The following NXPH2 variants were observed in gnomAD, a reference collection of about 807,000 sequenced individuals.
NXPH2 encodes the protein neurexophilin-2.
A neutral mutation model predicts 19.8 loss-of-function variants in NXPH2; 5 were observed. The ratio of observed to expected loss-of-function variants is 0.25; its 90% CI spans 0.13 to 0.53. The LOEUF (loss-of-function observed/expected upper bound fraction) is 0.53, where lower values mean the gene tolerates loss of function less well. NXPH2 is among the 20% of genes least tolerant of loss of function. The pLI is 0.96. For missense variants in NXPH2, 289 were observed against 322.8 expected, an observed-to-expected ratio of 0.90 and a Z score of 0.80; for synonymous variants, 154 against 127.4, an observed-to-expected ratio of 1.21 and a Z score of -1.41.
intron 1 of NXPH2, among the ~76,000 whole-genome samples, chr2:138,710,656 G>T (rs978528615): frequency 2.6e-5 from 4 of 152,078 alleles, no homozygotes; most frequent in Non-Finnish European, 5.9e-5. Flanking sequence ...GACTCTATGA[G>T]ATAAATTTTA....
intron 1 of NXPH2, among the ~76,000 whole-genome samples, chr2:138,697,416 T>G (rs1680844905): frequency 6.6e-6 from 1 of 152,128 alleles, no homozygotes; most frequent in African/African-American, 2.4e-5. Context: ...ATAGCATTAT[T>G]CACAATGGTA....
intron 1 of NXPH2, among the ~76,000 whole-genome samples, chr2:138,759,841 T>C (rs1681980644): frequency 6.6e-6 from 1 of 150,930 alleles, no homozygotes; most frequent in African/African-American, 2.4e-5. Context: ...GCCATTCTCC[T>C]GCCTCAGCCT....
In NXPH2 at chr2:138,739,069, A is replaced by G. The variant is rs777415143; in HGVS notation, c.51+41122T>C. On this transcript the variant is annotated intron_variant, in intron 1 of 1. Coordinates refer to ENST00000272641, the MANE Select transcript of NXPH2 (RefSeq NM_007226.3). ...AGTTAAAATCCACCATGGATGTAGG[A>G]TGGTGAATGAATGTACATATTATTG... is the stretch of plus-strand genomic sequence containing the variant. Among the ~76,000 whole-genome samples the G allele has an allele frequency of 6.6e-5, 10 of 152,222 alleles. 1 individual carries two copies. Among genetic ancestry groups the G allele is most frequent in the Non-Finnish European group, 1.2e-4 (8 of 68,038 alleles).
chr2:138,747,328 G>A (rs1681754615), intron 1 of NXPH2, among the ~76,000 whole-genome samples: 1 of 152,148 alleles, frequency 6.6e-6, no homozygotes, highest in Non-Finnish European at 1.5e-5. Flanking sequence ...CGCATTGCTT[G>A]AGGAGGGGCT....
At chr2:138,710,989 G>C (rs1681096461) in intron 1 of NXPH2, among the ~76,000 whole-genome samples, 1 of 151,970 alleles carries the variant, frequency 6.6e-6, no homozygotes, top group African/African-American at 2.4e-5. Flanking sequence ...CATCTTCCTG[G>C]AGCCGGATCC....
rs138907193 is a variant in NXPH2, at chr2:138,712,807, T to A, written c.52-41142A>T. Among the ~76,000 whole-genome samples, 61 of 152,326 alleles carry A rather than the reference T, an allele frequency of 4.0e-4. No individual in the cohort carries two copies. In the South Asian group the frequency reaches 7.1e-3, roughly 18 times the overall value. ...CTTCATGTGTGAATGGAAAACTCCA[T>A]GAAGACTAGACCAAGGCCTTATACG... is the stretch of plus-strand genomic sequence containing the variant. On this transcript the variant is annotated intron_variant, in intron 1 of 1. Coordinates refer to ENST00000272641, the MANE Select transcript of NXPH2 (RefSeq NM_007226.3).
intron 1 of NXPH2, among the ~76,000 whole-genome samples, chr2:138,706,536 A>G (rs1681014537): frequency 6.6e-6 from 1 of 152,156 alleles, no homozygotes; most frequent in Non-Finnish European, 1.5e-5. Flanking sequence ...TGCCAGTTAT[A>G]GTTGTCATTT....
Position 138,678,361 on chromosome 2 carries a change from C to T in NXPH2, c.52-6696G>A, listed in dbSNP as rs142231753. On this transcript the variant is annotated intron_variant, in intron 1 of 1. Transcript: ENST00000272641. ...GTGCCACTGTAATGTTAATCTGGATCTGGCTGAGGTAGAGCAAATGTATCT... is the reference window on the plus strand; with the variant it reads ...GTGCCACTGTAATGTTAATCTGGATTTGGCTGAGGTAGAGCAAATGTATCT... Among the ~76,000 whole-genome samples the T allele has an allele frequency of 2.6e-5, 4 of 152,300 alleles. No homozygotes were observed. The East Asian group carries it at 7.7e-4, about 29-fold the overall frequency.
intron 1 of NXPH2, among the ~76,000 whole-genome samples, chr2:138,743,549 C>T (rs985090648): frequency 6.6e-6 from 1 of 152,108 alleles, no homozygotes; most frequent in South Asian, 2.1e-4. Flanking sequence ...AGAGTGACTG[C>T]TAATGGGTAT....
intron 1 of NXPH2, among the ~76,000 whole-genome samples, chr2:138,706,618 T>C (rs1681017902): frequency 6.6e-6 from 1 of 152,160 alleles, no homozygotes; most frequent in Non-Finnish European, 1.5e-5. Context: ...TTGTTCTTTA[T>C]ATGAAAATTA....
At chr2:138,733,887 G>A (rs1681494029) in intron 1 of NXPH2, among the ~76,000 whole-genome samples, 1 of 152,136 alleles carries the variant, frequency 6.6e-6, no homozygotes. Flanking sequence ...ACTACATCAG[G>A]AAAAGAAAAG....
chr2:138,671,525 C>A lies in NXPH2; in HGVS notation c.192G>T (p.Pro64=). Residue 64 remains proline, a synonymous_variant, in exon 2 of 2, where the codon CCG becomes CCT. Transcript: ENST00000272641. ...SPLRLFVKQS[P]VPKPGPMAYA... is the part of the protein sequence containing the mutation. ...ACGCCATGGGGCCGGGCTTGGGCAC[C>A]GGAGACTGTTTAACAAACAGGCGCA... The A allele has an allele frequency of 6.2e-7, 1 of 1,613,958 alleles. No homozygotes were observed. Among genetic ancestry groups the A allele is most frequent in the Non-Finnish European group, 8.5e-7 (1 of 1,179,870 alleles).
intron 1 of NXPH2, among the ~76,000 whole-genome samples, chr2:138,754,137 G>A (rs999165326): frequency 6.6e-6 from 1 of 151,930 alleles, no homozygotes; most frequent in South Asian, 2.1e-4. Flanking sequence ...ATACAATTAG[G>A]CTATTTTGTC....
rs1186720456 is a variant in NXPH2, at chr2:138,760,509, G to A, written c.51+19682C>T. Among the ~76,000 whole-genome samples, 4 of 152,306 alleles carry A rather than the reference G, an allele frequency of 2.6e-5. No individual in the cohort carries two copies. In the East Asian group the frequency reaches 7.7e-4, roughly 29 times the overall value. ...GCTTTGGAGCAAAAATGCTGTCAGG[G>A]TCCTGAATAAATCATCTATCATCAA... On this transcript the variant is annotated intron_variant, in intron 1 of 1. Transcript: ENST00000272641.
In NXPH2 at chr2:138,689,729, G is replaced by A. The variant is rs549101067; in HGVS notation, c.52-18064C>T. Among the ~76,000 whole-genome samples, 17 of 152,268 alleles carry A rather than the reference G, an allele frequency of 1.1e-4. No homozygotes were observed. The South Asian group carries it at 1.5e-3, about 13-fold the overall frequency. ...TAAGCTGGAATACTTAATATCTAGC[G>A]GAATAGCCCCAGTGTGTTATTGGGG... On this transcript the variant is annotated intron_variant, in intron 1 of 1. Coordinates refer to ENST00000272641, the MANE Select transcript of NXPH2 (RefSeq NM_007226.3).
intron 1 of NXPH2, among the ~76,000 whole-genome samples, chr2:138,699,596 G>C (rs1056344524): frequency 2.0e-5 from 3 of 152,106 alleles, no homozygotes; most frequent in Non-Finnish European, 4.4e-5. Flanking sequence ...GGTTAAAGAA[G>C]CAAGTAGGTT....
chr2:138,737,287 C>T (rs1282276084), intron 1 of NXPH2, among the ~76,000 whole-genome samples: 2 of 152,154 alleles, frequency 1.3e-5, no homozygotes, highest in Non-Finnish European at 1.5e-5. Context: ...GGGGAGGCCT[C>T]ACAATCATGG....
chr2:138,701,719 A>G (rs921331615), intron 1 of NXPH2, among the ~76,000 whole-genome samples: 3 of 152,190 alleles, frequency 2.0e-5, no homozygotes, highest in Non-Finnish European at 4.4e-5. Context: ...AGGGAGATGC[A>G]GAAATGAATA....
intron 1 of NXPH2, among the ~76,000 whole-genome samples, chr2:138,765,534 C>A (rs1210035999): frequency 6.6e-6 from 1 of 152,226 alleles, no homozygotes; most frequent in African/African-American, 2.4e-5. Flanking sequence ...ACTAAAAATG[C>A]ATTCCAATAT....
Sources: allele counts gnomAD v4.1 joint callset (sites outside exome capture counted in the v4.1 genomes callset), GRCh38; gene constraint gnomAD v4.1.1; transcripts MANE v1.5; gene names NCBI Gene and HGNC (gene_info 2026-07-23, HGNC 2026-07-21).